Variants in MAGI2 observed in about 807,000 individuals in gnomAD.
MAGI2 encodes membrane-associated guanylate kinase, WW and PDZ domain-containing protein 2.
MAGI2 carries 35 observed loss-of-function variants against 133.3 expected under a neutral mutation model. The observed-to-expected ratio is 0.26, with a 90% CI of 0.20 to 0.35. The LOEUF is 0.35. MAGI2 is among the 10% of genes least tolerant of loss of function. MAGI2 has a pLI of 1.00. For synonymous variants in MAGI2, 729 were observed against 710.6 expected (o/e 1.03, Z -0.41); for missense variants, 1,636 against 1,863.4 (o/e 0.88, Z 2.25).
intron 1 of MAGI2, among the ~76,000 whole-genome samples, chr7:79,278,929 G>A (rs1448415926): frequency 4.6e-5 from 7 of 152,112 alleles, no homozygotes; most frequent in Non-Finnish European, 4.4e-5. Flanking sequence ...GATAAACAGA[G>A]TAGGAAGAGA....
chr7:78,832,149 G>C (rs1306678254), intron 2 of MAGI2, among the ~76,000 whole-genome samples: 1 of 149,362 alleles, frequency 6.7e-6, no homozygotes, highest in Non-Finnish European at 1.5e-5. Context: ...GCTGCTCAAA[G>C]TATTCTCTGA....
intron 3 of MAGI2, among the ~76,000 whole-genome samples, chr7:78,626,274 T>C (rs1808331972): frequency 6.6e-6 from 1 of 152,186 alleles, no homozygotes; most frequent in African/African-American, 2.4e-5. Context: ...TCATTATATA[T>C]ATACACAGAT....
At chr7:79,161,697 C>T (rs571835463) in intron 1 of MAGI2, among the ~76,000 whole-genome samples, 7 of 152,146 alleles carry the variant, frequency 4.6e-5, no homozygotes, top group Non-Finnish European at 7.4e-5. Flanking sequence ...TTAAAAGCTG[C>T]TGCTCTGGTA....
intron 2 of MAGI2, among the ~76,000 whole-genome samples, chr7:78,911,374 C>A (rs1001401952): frequency 6.6e-6 from 1 of 152,044 alleles, no homozygotes; most frequent in African/African-American, 2.4e-5. Flanking sequence ...AGAAGTGAGG[C>A]CTTTGGGATG....
rs73369426 is a variant in MAGI2, at chr7:78,814,868, G to A, written c.419-187629C>T. ...CTCCTGATTAGCTGTGATAACAGGT[G>A]CATGCCATCACACCAGGCTCTTTTT... On this transcript the variant is annotated intron_variant, in intron 2 of 21. Coordinates refer to ENST00000354212, the MANE Select transcript of MAGI2 (RefSeq NM_012301.4). 1.4e-4 allele frequency among the ~76,000 whole-genome samples: 21 copies of A among 152,242 alleles called. 1 individual carries two copies. Among genetic ancestry groups the A allele is most frequent in the Admixed American group, 7.2e-4 (11 of 15,298 alleles).
chr7:78,549,579 CAT>C (rs1350934031), intron 3 of MAGI2, among the ~76,000 whole-genome samples: 2 of 152,076 alleles, frequency 1.3e-5, no homozygotes, highest in East Asian at 3.8e-4. Context: ...CTCTCTTCCT[CAT>C]TTCTCAATAA....
At chr7:78,904,463 T>G (rs777978079) in intron 2 of MAGI2, among the ~76,000 whole-genome samples, 5 of 151,916 alleles carry the variant, frequency 3.3e-5, no homozygotes, top group Non-Finnish European at 7.4e-5. Context: ...TGAAAGCTAA[T>G]ACAGTTCTCT....
At chr7:78,710,583 G>C (rs1397107682) in intron 2 of MAGI2, among the ~76,000 whole-genome samples, 4 of 152,142 alleles carry the variant, frequency 2.6e-5, no homozygotes, top group Non-Finnish European at 5.9e-5. Flanking sequence ...CTATTGCAAG[G>C]GTGGGTACAA....
At chr7:78,206,250 A>G (rs999147708) in intron 10 of MAGI2, among the ~76,000 whole-genome samples, 3 of 151,814 alleles carry the variant, frequency 2.0e-5, no homozygotes, top group Admixed American at 6.6e-5. Context: ...GATATCGTCA[A>G]TTTGGCATAA....
intron 2 of MAGI2, among the ~76,000 whole-genome samples, chr7:78,952,181 G>A (rs532686966): frequency 6.6e-6 from 1 of 152,196 alleles, no homozygotes; most frequent in South Asian, 2.1e-4. Context: ...AGGGGAGCTG[G>A]TTAAAAGTTA....
chr7:78,732,797 T>TTGTC (rs4021886), intron 2 of MAGI2, among the ~76,000 whole-genome samples: 79,385 of 151,506 alleles, frequency 0.52, 21,081 homozygotes, highest in Non-Finnish European at 0.56. Flanking sequence ...TGTGGATTTT[T>TTGTC]TGTATTTTAA....
chr7:78,659,584 G>GA (rs1194775995), intron 2 of MAGI2, among the ~76,000 whole-genome samples: 1 of 152,054 alleles, frequency 6.6e-6, no homozygotes, highest in African/African-American at 2.4e-5. Flanking sequence ...TTCTTGACAT[G>GA]AAAAAATTAT....
intron 2 of MAGI2, among the ~76,000 whole-genome samples, chr7:78,920,343 T>C (rs1799131704): frequency 1.3e-5 from 2 of 152,186 alleles, no homozygotes; most frequent in Non-Finnish European, 2.9e-5. Context: ...CATATCAATG[T>C]CTTAGAATAA....
intron 21 of MAGI2, chr7:78,035,323 A>G (rs1276123696): frequency 6.5e-6 from 1 of 153,558 alleles, no homozygotes; most frequent in Non-Finnish European, 1.5e-5. Context: ...GGCGGAGGAG[A>G]GAAACAGCAG....
intron 2 of MAGI2, among the ~76,000 whole-genome samples, chr7:78,994,499 G>T (rs1436023066): frequency 6.6e-6 from 1 of 152,022 alleles, no homozygotes; most frequent in Non-Finnish European, 1.5e-5. Context: ...GGAAACATTA[G>T]ACAGTAAATA....
At chr7:78,098,452 A>C (rs1817913579) in intron 20 of MAGI2, among the ~76,000 whole-genome samples, 1 of 152,186 alleles carries the variant, frequency 6.6e-6, no homozygotes, top group Non-Finnish European at 1.5e-5. Context: ...GTTCATTTTC[A>C]CTACTACATA....
At chr7:78,204,311 G>A (rs185959694) in intron 10 of MAGI2, among the ~76,000 whole-genome samples, 6 of 152,042 alleles carry the variant, frequency 3.9e-5, no homozygotes, top group African/African-American at 1.2e-4. Context: ...ATTACACCTC[G>A]CTTGGCGTCC....
chr7:79,050,550 T>G (rs997592902), intron 1 of MAGI2, among the ~76,000 whole-genome samples: 7 of 152,128 alleles, frequency 4.6e-5, no homozygotes, highest in African/African-American at 1.4e-4. Flanking sequence ...GCCTGGCTAA[T>G]TTTTTTGTTT....
At chr7:79,324,119 C>G (rs1174970932) in intron 1 of MAGI2, among the ~76,000 whole-genome samples, 1 of 151,632 alleles carries the variant, frequency 6.6e-6, no homozygotes, top group Non-Finnish European at 1.5e-5. Flanking sequence ...ATAATAGTAC[C>G]TATTTTATAG....
Sources: gnomAD v4.1 joint callset for allele counts (sites outside exome capture counted in the v4.1 genomes callset) on GRCh38, gnomAD v4.1.1 for gene constraint, MANE v1.5 for transcripts, NCBI Gene and HGNC (gene_info 2026-07-23, HGNC 2026-07-21) for gene names.